KCNK13: variants seen among roughly 807,000 people sequenced by gnomAD.
KCNK13 encodes the protein potassium channel subfamily K member 13.
Under a neutral mutation model 23.4 loss-of-function variants are expected in KCNK13, and 12 were observed. That is an observed-to-expected ratio of 0.51 (90% CI 0.33 to 0.83). The LOEUF is 0.83. Among genes scored for constraint, KCNK13 ranks in the 40% least tolerant of loss-of-function variants. The pLI is 0.02. For missense variants in KCNK13, 463 were observed against 556.3 expected, an observed-to-expected ratio of 0.83 and a Z score of 1.69; for synonymous variants, 231 against 229.5, an observed-to-expected ratio of 1.01 and a Z score of -0.06.
At chr14:90,104,796 T>TC (rs1566952267) in intron 1 of KCNK13, among the ~76,000 whole-genome samples, 1 of 144,770 alleles carries the variant, frequency 6.9e-6, no homozygotes, top group Non-Finnish European at 1.5e-5. Flanking sequence ...CTTTTCTTTT[T>TC]TTTTTTTTTT....
chr14:90,145,154 T>A (rs1475260155), intron 1 of KCNK13, among the ~76,000 whole-genome samples: 1 of 152,194 alleles, frequency 6.6e-6, no homozygotes, highest in African/African-American at 2.4e-5. Flanking sequence ...ATGCCTGTAA[T>A]CCCAGCACTT....
chr14:90,073,209 G>T (rs761296914), intron 1 of KCNK13, among the ~76,000 whole-genome samples: 1 of 152,164 alleles, frequency 6.6e-6, no homozygotes, highest in Non-Finnish European at 1.5e-5. Flanking sequence ...AGTCTAAGAA[G>T]ACAGAAGTGG....
At chr14:90,073,970 C>T (rs942263878) in intron 1 of KCNK13, among the ~76,000 whole-genome samples, 2 of 150,712 alleles carry the variant, frequency 1.3e-5, no homozygotes, top group African/African-American at 4.9e-5. Flanking sequence ...CCACTGCGCC[C>T]GACCAAGATT....
intron 1 of KCNK13, among the ~76,000 whole-genome samples, chr14:90,143,212 CTTT>C (rs60670249): frequency 2.7e-5 from 3 of 112,586 alleles, no homozygotes; most frequent in Admixed American, 8.8e-5. Context: ...TCTTTCTTTT[CTTT>C]TTTTTTTTTT....
chr14:90,120,742 GC>G lies in KCNK13; in HGVS notation c.334+58208del, dbSNP rs1007503094. On this transcript the variant is annotated intron_variant, in intron 1 of 1. Coordinates refer to ENST00000282146, the MANE Select transcript of KCNK13 (RefSeq NM_022054.4). ...ACACAAAGCCAAATCACATCATTCT[GC>G]CCCCGGCCCCTCCCAAATCTCATGT... Among the ~76,000 whole-genome samples, 5 of 152,088 alleles carry G rather than the reference GC, an allele frequency of 3.3e-5. 1 individual carries two copies.
At chr14:90,090,455 G>C (rs942977441) in intron 1 of KCNK13, among the ~76,000 whole-genome samples, 3 of 152,338 alleles carry the variant, frequency 2.0e-5, no homozygotes, top group Middle Eastern at 3.4e-3. Context: ...TAACTAACTT[G>C]CTTTTGATTT....
At chr14:90,166,671 AC>A (rs1349791226) in intron 1 of KCNK13, among the ~76,000 whole-genome samples, 4 of 149,124 alleles carry the variant, frequency 2.7e-5, no homozygotes, top group South Asian at 2.1e-4. Context: ...ACACCACTGC[AC>A]CCTAGTCTGG....
chr14:90,069,030 CTTTTTTTTTTTTTTT>C (rs34881625), intron 1 of KCNK13, among the ~76,000 whole-genome samples: 1 of 90,122 alleles, frequency 1.1e-5, no homozygotes, highest in Non-Finnish European at 2.1e-5. Flanking sequence ...AGTTTTTATT[CTTTTTTTTTTTTTTT>C]TTTTTTTTTG....
At chr14:90,086,234 A>C (rs559492834) in intron 1 of KCNK13, among the ~76,000 whole-genome samples, 3 of 152,286 alleles carry the variant, frequency 2.0e-5, no homozygotes, top group African/African-American at 7.2e-5. Context: ...TCTTATTCTC[A>C]CTGCTAACAT....
intron 1 of KCNK13, among the ~76,000 whole-genome samples, chr14:90,142,145 T>C (rs1890015538): frequency 6.6e-6 from 1 of 151,956 alleles, no homozygotes; most frequent in Non-Finnish European, 1.5e-5. Flanking sequence ...AGCGATCTGC[T>C]CTCTGTCACT....
chr14:90,175,565 C>A (rs1470617103), intron 1 of KCNK13, among the ~76,000 whole-genome samples: 1 of 152,142 alleles, frequency 6.6e-6, no homozygotes, highest in Non-Finnish European at 1.5e-5. Flanking sequence ...TCCCTCACAC[C>A]TAATTTTCAA....
chr14:90,100,653 A>G (rs756572846), intron 1 of KCNK13, among the ~76,000 whole-genome samples: 2 of 152,178 alleles, frequency 1.3e-5, no homozygotes, highest in African/African-American at 4.8e-5. Context: ...TAGTCTGAAG[A>G]CCTGCAACTT....
At chr14:90,090,709 C>T (rs1889334965) in intron 1 of KCNK13, among the ~76,000 whole-genome samples, 1 of 152,178 alleles carries the variant, frequency 6.6e-6, no homozygotes, top group Non-Finnish European at 1.5e-5. Flanking sequence ...ATGAGAGGAA[C>T]CCAGTGGGAG....
At chr14:90,087,155 T>TATATATA (rs1491402459) in intron 1 of KCNK13, among the ~76,000 whole-genome samples, 38 of 79,534 alleles carry the variant, frequency 4.8e-4, no homozygotes, top group African/African-American at 1.8e-3. Context: ...TATATATATA[T>TATATATA]TTTTTTTTTT....
At chr14:90,071,152 C>T (rs1489968989) in intron 1 of KCNK13, among the ~76,000 whole-genome samples, 1 of 152,136 alleles carries the variant, frequency 6.6e-6, no homozygotes, top group East Asian at 1.9e-4. Context: ...ATCCAGTTCT[C>T]TCTTTCCCTC....
At chr14:90,077,321 A>G (rs952730539) in intron 1 of KCNK13, among the ~76,000 whole-genome samples, 4 of 149,532 alleles carry the variant, frequency 2.7e-5, no homozygotes, top group Non-Finnish European at 5.9e-5. Context: ...GGGTTTCGCC[A>G]TGTTGGCCAG....
At chr14:90,139,422 G>C (rs561146550) in intron 1 of KCNK13, among the ~76,000 whole-genome samples, 2 of 152,176 alleles carry the variant, frequency 1.3e-5, no homozygotes, top group Non-Finnish European at 2.9e-5. Flanking sequence ...AGTGAGCAAG[G>C]GGGAGAGTGT....
chr14:90,087,136 A>ATG (rs1459272047), intron 1 of KCNK13, among the ~76,000 whole-genome samples: 2 of 112,336 alleles, frequency 1.8e-5, no homozygotes, highest in Non-Finnish European at 3.6e-5. Context: ...ATACATATAT[A>ATG]TATATATATA....
intron 1 of KCNK13, among the ~76,000 whole-genome samples, chr14:90,095,457 T>A (rs528567443): frequency 5.6e-4 from 86 of 152,340 alleles, no homozygotes; most frequent in Non-Finnish European, 1.1e-3. Context: ...TGAGAGTCAG[T>A]GTTATAGTCA....
Sources: allele counts gnomAD v4.1 joint callset (sites outside exome capture counted in the v4.1 genomes callset), GRCh38; gene constraint gnomAD v4.1.1; transcripts MANE v1.5; gene names NCBI Gene and HGNC (gene_info 2026-07-23, HGNC 2026-07-21).